The following LGR6 variants were observed in gnomAD, a reference collection of about 807,000 sequenced individuals.
LGR6 encodes leucine-rich repeat-containing G protein-coupled receptor 6.
Under a neutral mutation model 69.4 loss-of-function variants are expected in LGR6, and 45 were observed. The ratio of observed to expected loss-of-function variants is 0.65; its 90% CI spans 0.51 to 0.83. The LOEUF (loss-of-function observed/expected upper bound fraction) is 0.83. Ranked by LOEUF, LGR6 falls within the 40% of genes least tolerant of loss-of-function variation. LGR6 has a pLI of 0.00. For missense variants in LGR6, 1,108 were observed against 1,246.7 expected (o/e 0.89, Z 1.68); for synonymous variants, 538 against 555.0 (o/e 0.97, Z 0.43).
chr1:202,228,651 A>G (rs994744858), intron 3 of LGR6, among the ~76,000 whole-genome samples: 44 of 152,092 alleles, frequency 2.9e-4, no homozygotes, highest in Non-Finnish European at 1.5e-4. Flanking sequence ...CAATCTCCTC[A>G]ACTCATGACT....
At chr1:202,240,392 G>T (rs1010551861) in intron 4 of LGR6, among the ~76,000 whole-genome samples, 1 of 150,424 alleles carries the variant, frequency 6.6e-6, no homozygotes, top group African/African-American at 2.4e-5. Context: ...AAAAAAAAAC[G>T]ACATGAAAGA....
At position 202,193,860 on chromosome 1, in the gene LGR6, C is replaced by T. The variant is rs1268408963; in HGVS notation, c.-130C>T. On this transcript the variant is annotated 5_prime_UTR_variant, in exon 1 of 18. Coordinates refer to ENST00000367278, the MANE Select transcript of LGR6 (RefSeq NM_001017403.2). ...CCGGCGCTCCCACCGCCGCCGCCGC[C>T]GCCCAATAGAGCCCCTGGGGCGGTC... 6 of 411,584 alleles carry T rather than the reference C, an allele frequency of 1.5e-5. No homozygotes were observed. Among genetic ancestry groups the T allele is most frequent in the Middle Eastern group, 7.5e-4 (1 of 1,332 alleles). 25.5% of individuals were successfully genotyped at this position (411,584 alleles called of 1,614,324 possible).
In LGR6 at chr1:202,309,124, G is replaced by C; in HGVS notation, c.1354G>C (p.Gly452Arg). The C allele has an allele frequency of 6.2e-7, 1 of 1,614,154 alleles. No homozygotes were observed. Among genetic ancestry groups the C allele is most frequent in the Non-Finnish European group, 8.5e-7 (1 of 1,180,008 alleles). ...LGGLMHLKLK[G>R]NLALSQAFSK... ...GGGCTTGATGCATCTGAAGCTCAAA[G>C]GGAACCTTGCTCTCTCCCAGGCCTT... The change falls in exon 15 of 18, where the codon GGG becomes CGG. Residue 452 changes from glycine to arginine, a missense_variant. Transcript: ENST00000367278.
chr1:202,213,712 A>G (rs1490661411), intron 1 of LGR6, among the ~76,000 whole-genome samples: 2 of 152,238 alleles, frequency 1.3e-5, no homozygotes, highest in Admixed American at 6.5e-5. Context: ...ACCTCACAAC[A>G]TTATCTTATG....
rs943156733 is a variant in LGR6 at position 202,285,035 on chromosome 1, G to C, written c.716+4183G>C. ...CAGCTCTCTCTCTAAATCAGGACCAGCATTCAACAGGGGCCTGGGACAGGA... is the reference window on the plus strand; with the variant it reads ...CAGCTCTCTCTCTAAATCAGGACCACCATTCAACAGGGGCCTGGGACAGGA... On this transcript the variant is annotated intron_variant, in intron 6 of 17. Coordinates refer to ENST00000367278, the MANE Select transcript of LGR6 (RefSeq NM_001017403.2). Among the ~76,000 whole-genome samples, 3 of 152,208 alleles carry C rather than the reference G, an allele frequency of 2.0e-5. No homozygotes were observed. The South Asian group carries it at 6.2e-4, about 32-fold the overall frequency.
rs1455575434 is a variant in LGR6, at chr1:202,318,394, A to C, written c.2091A>C (p.Ala697=). The C allele has an allele frequency of 2.5e-6, 4 of 1,604,158 alleles. No homozygotes were observed. In the African/African-American group the frequency reaches 5.3e-5, roughly 21 times the overall value. Residue 697 remains alanine (A), a synonymous_variant, in exon 18 of 18, where the codon GCA becomes GCC. Transcript: ENST00000367278. Reference sequence around the variant, plus strand: ...GGGTCCTAGGCTGCCTGGCACTGGCAGGGCTGGCCGCCGCGCTGCCCCTGG... The same window carrying C: ...GGGTCCTAGGCTGCCTGGCACTGGCCGGGCTGGCCGCCGCGCTGCCCCTGG... ...RAGVLGCLAL[A]GLAAALPLAS... is the part of the protein sequence containing the mutation.
chr1:202,282,637 G>A (rs539445781), intron 6 of LGR6, among the ~76,000 whole-genome samples: 2 of 152,306 alleles, frequency 1.3e-5, no homozygotes, highest in South Asian at 2.1e-4. Flanking sequence ...GAGTGTGGGC[G>A]CTGTTAGCTT....
chr1:202,298,174 G>A (rs1667299478), intron 7 of LGR6, among the ~76,000 whole-genome samples: 1 of 152,182 alleles, frequency 6.6e-6, no homozygotes, highest in African/African-American at 2.4e-5. Context: ...AGGACAAAAT[G>A]GTATATAACT....
chr1:202,242,780 C>T (rs886580806), intron 4 of LGR6, among the ~76,000 whole-genome samples: 3 of 152,148 alleles, frequency 2.0e-5, no homozygotes, highest in Non-Finnish European at 4.4e-5. Flanking sequence ...GAACCAAAAG[C>T]AAGGGACCTC....
chr1:202,294,222 T>C (rs1308706702), intron 6 of LGR6, among the ~76,000 whole-genome samples: 1 of 152,254 alleles, frequency 6.6e-6, no homozygotes, highest in Non-Finnish European at 1.5e-5. Flanking sequence ...TTCTGGTGTT[T>C]AGAATATGAA....
At chr1:202,294,513 A>G (rs1323710305) in intron 6 of LGR6, among the ~76,000 whole-genome samples, 1 of 152,126 alleles carries the variant, frequency 6.6e-6, no homozygotes, top group Non-Finnish European at 1.5e-5. Context: ...TAGGTCTAGG[A>G]GGTCTAGGGA....
At chr1:202,202,265 C>A (rs1056344950) in intron 1 of LGR6, among the ~76,000 whole-genome samples, 1 of 152,132 alleles carries the variant, frequency 6.6e-6, no homozygotes, top group African/African-American at 2.4e-5. Flanking sequence ...GGTTTTCTGC[C>A]CTTTTTCCCT....
intron 1 of LGR6, among the ~76,000 whole-genome samples, chr1:202,203,250 C>T (rs778090841): frequency 6.6e-6 from 1 of 152,168 alleles, no homozygotes; most frequent in South Asian, 2.1e-4. Context: ...AGGCAGCCCC[C>T]ACTAAGAAGC....
At chr1:202,197,683 C>T (rs1221676910) in intron 1 of LGR6, among the ~76,000 whole-genome samples, 1 of 152,054 alleles carries the variant, frequency 6.6e-6, no homozygotes, top group African/African-American at 2.4e-5. Context: ...GCACTTCTCA[C>T]ATGTGAGCAC....
At chr1:202,296,761 C>G (rs1667188328) in intron 6 of LGR6, among the ~76,000 whole-genome samples, 1 of 152,146 alleles carries the variant, frequency 6.6e-6, no homozygotes, top group Non-Finnish European at 1.5e-5. Context: ...TATGCTTATC[C>G]TTACACATTC....
intron 1 of LGR6, among the ~76,000 whole-genome samples, chr1:202,205,975 C>A (rs911183199): frequency 6.7e-6 from 1 of 150,136 alleles, no homozygotes; most frequent in Non-Finnish European, 1.5e-5. Context: ...ACACAACACA[C>A]ACACACACAC....
At chr1:202,293,503 G>GT (rs910648728) in intron 6 of LGR6, among the ~76,000 whole-genome samples, 32 of 147,288 alleles carry the variant, frequency 2.2e-4, no homozygotes, top group East Asian at 7.9e-4. Flanking sequence ...ATAGGAGTGG[G>GT]TTTTTTTTTT....
At chr1:202,272,641 T>C (rs1409859072) in intron 4 of LGR6, among the ~76,000 whole-genome samples, 3 of 152,206 alleles carry the variant, frequency 2.0e-5, no homozygotes, top group African/African-American at 4.8e-5. Context: ...AGTGCCATGC[T>C]CGGCCCAGCC....
chr1:202,250,510 A>G (rs556314296), intron 4 of LGR6, among the ~76,000 whole-genome samples: 2 of 151,886 alleles, frequency 1.3e-5, no homozygotes, highest in African/African-American at 4.8e-5. Context: ...GGTTCAAGCG[A>G]TTCTCCTGCC....
Sources: allele counts gnomAD v4.1 joint callset (sites outside exome capture counted in the v4.1 genomes callset), GRCh38; gene constraint gnomAD v4.1.1; transcripts MANE v1.5; gene names NCBI Gene and HGNC (gene_info 2026-07-23, HGNC 2026-07-21).